Variants in FAM168A observed in about 807,000 individuals in gnomAD.
The protein encoded by FAM168A is protein FAM168A.
A neutral mutation model predicts 28.5 loss-of-function variants in FAM168A; 3 were observed. The observed-to-expected ratio is 0.11, with a 90% confidence interval of 0.05 to 0.27. FAM168A has a LOEUF of 0.27. Ranked by LOEUF, FAM168A falls within the 10% of genes least tolerant of loss-of-function variation. The pLI, the probability that FAM168A is intolerant of heterozygous loss-of-function variation, is 1.00. For missense variants in FAM168A, 222 were observed against 311.5 expected (o/e 0.71, Z 2.16); for synonymous variants, 122 against 124.2 (o/e 0.98, Z 0.12).
At chr11:73,504,771 T>C (rs1183338553) in intron 1 of FAM168A, among the ~76,000 whole-genome samples, 2 of 152,158 alleles carry the variant, frequency 1.3e-5, no homozygotes, top group East Asian at 3.8e-4. Context: ...CCATCAATGA[T>C]AGACTGGATA....
At chr11:73,515,176 G>A (rs567512139) in intron 1 of FAM168A, among the ~76,000 whole-genome samples, 2 of 152,152 alleles carry the variant, frequency 1.3e-5, no homozygotes, top group South Asian at 4.1e-4. Context: ...CTCCAGGAAG[G>A]GATAATACAG....
At position 73,403,797 on chromosome 11, in the gene FAM168A, C is replaced by T. The variant is rs953214577; in HGVS notation, c.*2966G>A. On this transcript the variant is annotated 3_prime_UTR_variant, in exon 8 of 8. Coordinates refer to ENST00000356467, the MANE Select transcript of FAM168A (RefSeq NM_015159.3). ...GGCTGAGGCCGGCTGAACTGGGGCT[C>T]ATACTGAAAAAGGGGTGCTGGACCT... is the stretch of plus-strand genomic sequence containing the variant. 8 of 152,322 alleles carry T rather than the reference C, an allele frequency of 5.3e-5. 1 individual carries two copies. The highest frequency in any genetic ancestry group is 8.8e-5 in the Non-Finnish European group (6 of 68,054). 9.4% of individuals were successfully genotyped at this position (152,322 alleles called of 1,614,324 possible). A position where few individuals can be genotyped will look rare whatever the true frequency, so the allele number is the denominator to read the frequency against.
intron 1 of FAM168A, among the ~76,000 whole-genome samples, chr11:73,574,508 A>G (rs1461202766): frequency 6.6e-6 from 1 of 152,210 alleles, no homozygotes; most frequent in Non-Finnish European, 1.5e-5. Flanking sequence ...GAGAAAAATC[A>G]GCTCTATTAG....
rs1268520489 is a variant in FAM168A at position 73,567,835 on chromosome 11, C to A, written c.-19+30088G>T. On this transcript the variant is annotated intron_variant, in intron 1 of 7. Coordinates refer to ENST00000356467, the MANE Select transcript of FAM168A (RefSeq NM_015159.3). ...TTGAGAATGCAGATGAGGGCATCACCCCCGGACAACAAGATAGAAGGAGCC... is the reference window on the plus strand; with the variant it reads ...TTGAGAATGCAGATGAGGGCATCACACCCGGACAACAAGATAGAAGGAGCC... Among the ~76,000 whole-genome samples the A allele has an allele frequency of 2.0e-5, 3 of 152,148 alleles. No individual in the cohort carries two copies. In the East Asian group the frequency reaches 5.8e-4, roughly 29 times the overall value.
intron 2 of FAM168A, among the ~76,000 whole-genome samples, chr11:73,457,633 T>C (rs1867559342): frequency 6.9e-6 from 1 of 143,922 alleles, no homozygotes; most frequent in South Asian, 2.2e-4. Context: ...CTCAGCACTT[T>C]GGGAGGCCGA....
chr11:73,514,879 A>ATCCG (rs1212873590), intron 1 of FAM168A, among the ~76,000 whole-genome samples: 1 of 145,648 alleles, frequency 6.9e-6, no homozygotes, highest in Non-Finnish European at 1.5e-5. Flanking sequence ...CCATCCATCC[A>ATCCG]TCACCTGTAC....
chr11:73,527,404 G>A (rs551050519), intron 1 of FAM168A, among the ~76,000 whole-genome samples: 2 of 152,202 alleles, frequency 1.3e-5, no homozygotes, highest in African/African-American at 4.8e-5. Context: ...CTTTCTTTAG[G>A]TCTTCTAAAA....
At chr11:73,408,945 A>G (rs529914569) in intron 6 of FAM168A, among the ~76,000 whole-genome samples, 65 of 151,650 alleles carry the variant, frequency 4.3e-4, no homozygotes, top group African/African-American at 1.5e-3. Flanking sequence ...TGCTAGCATC[A>G]TCTCTCTCCC....
At chr11:73,525,079 C>T (rs74332901) in intron 1 of FAM168A, among the ~76,000 whole-genome samples, 2,714 of 151,202 alleles carry the variant, frequency 0.018, 65 homozygotes, top group African/African-American at 0.055. Flanking sequence ...TTCCCTTTCC[C>T]TCAATCCTTC....
rs148901097 is a variant in FAM168A, at chr11:73,585,913, T to C, written c.-19+12010A>G. On this transcript the variant is annotated intron_variant, in intron 1 of 7. Coordinates refer to ENST00000356467, the MANE Select transcript of FAM168A (RefSeq NM_015159.3). ...AAAAAAGAGATTGACCCTTTCCCCA[T>C]AGCAACAAATGGTGACCAGATCCTA... Among the ~76,000 whole-genome samples the C allele has an allele frequency of 6.0e-3, 878 of 145,340 alleles. 8 individuals are homozygous for C. Among genetic ancestry groups the C allele is most frequent in the Middle Eastern group, 0.033 (9 of 270 alleles).
chr11:73,506,349 C>G (rs1438052976), intron 1 of FAM168A, among the ~76,000 whole-genome samples: 1 of 151,532 alleles, frequency 6.6e-6, no homozygotes, highest in Non-Finnish European at 1.5e-5. Context: ...AAAGGAGCTC[C>G]AGTGGCGCAA....
chr11:73,442,955 GATATATATAT>G (rs58430278), intron 2 of FAM168A, among the ~76,000 whole-genome samples: 469 of 40,228 alleles, frequency 0.012, 10 homozygotes, highest in South Asian at 0.03. Flanking sequence ...ATATACAAAG[GATATATATAT>G]ATATATATAT....
At chr11:73,481,382 G>A (rs1867965781) in intron 1 of FAM168A, among the ~76,000 whole-genome samples, 1 of 152,176 alleles carries the variant, frequency 6.6e-6, no homozygotes, top group South Asian at 2.1e-4. Context: ...ACCTAGCACA[G>A]TCAGGCACAG....
At chr11:73,578,101 G>A (rs905523372) in intron 1 of FAM168A, among the ~76,000 whole-genome samples, 1 of 152,190 alleles carries the variant, frequency 6.6e-6, no homozygotes, top group Non-Finnish European at 1.5e-5. Context: ...GAGACATTAT[G>A]CTAGGCTCTT....
At chr11:73,461,458 C>A (rs377123689) in intron 2 of FAM168A, among the ~76,000 whole-genome samples, 39 of 152,150 alleles carry the variant, frequency 2.6e-4, no homozygotes, top group African/African-American at 8.9e-4. Context: ...ACTTATTAGA[C>A]CTCAGGTTTC....
intron 1 of FAM168A, among the ~76,000 whole-genome samples, chr11:73,530,704 T>A (rs1289331301): frequency 6.6e-6 from 1 of 152,212 alleles, no homozygotes; most frequent in Non-Finnish European, 1.5e-5. Context: ...GTTAAAAACC[T>A]TTTACCTAAA....
intron 1 of FAM168A, among the ~76,000 whole-genome samples, chr11:73,486,087 G>A (rs982821915): frequency 6.6e-6 from 1 of 152,052 alleles, no homozygotes; most frequent in Non-Finnish European, 1.5e-5. Flanking sequence ...GGGGGAAAAC[G>A]GCCCATTATT....
intron 2 of FAM168A, among the ~76,000 whole-genome samples, chr11:73,455,358 G>C (rs1269836845): frequency 6.6e-6 from 1 of 152,224 alleles, no homozygotes. Context: ...GACAAGGGTG[G>C]ACTGAGTAAA....
Position 73,501,504 on chromosome 11 carries a change from A to G in FAM168A, c.-18-33012T>C, listed in dbSNP as rs542874881. On this transcript the variant is annotated intron_variant, in intron 1 of 7. Transcript: ENST00000356467. ...ATAACAAACAGTCTCTCAGACCACA[A>G]TACAATCAAATAGAACTTAGGATTA... is the stretch of plus-strand genomic sequence containing the variant. Among the ~76,000 whole-genome samples the G allele has an allele frequency of 2.0e-5, 3 of 152,318 alleles. No individual in the cohort carries two copies. The East Asian group carries it at 5.8e-4, about 29-fold the overall frequency.
Sources: gnomAD v4.1 joint callset for allele counts (sites outside exome capture counted in the v4.1 genomes callset) on GRCh38, gnomAD v4.1.1 for gene constraint, MANE v1.5 for transcripts, NCBI Gene and HGNC (gene_info 2026-07-23, HGNC 2026-07-21) for gene names.